GCGR: variants seen among roughly 807,000 people sequenced by gnomAD.
GCGR encodes the protein glucagon receptor.
Under a neutral mutation model 56.1 loss-of-function variants are expected in GCGR, and 41 were observed. That is an observed-to-expected ratio of 0.73 (90% confidence interval 0.57 to 0.95). GCGR has a LOEUF of 0.95. GCGR is among the 40% of genes least tolerant of loss of function. The pLI is 0.00. For missense variants in GCGR, 595 were observed against 638.2 expected (o/e 0.93, Z 0.73); for synonymous variants, 278 against 271.1 (o/e 1.03, Z -0.25).
In GCGR at chr17:81,813,353, G is replaced by T; in HGVS notation, c.1219-121G>T. Reference sequence around the variant, plus strand: ...CATAGCTGTGCCCAGCAGGGAGCTTGTGTCGCTCTGCACCCCTCAGAGCGG... The same window carrying T: ...CATAGCTGTGCCCAGCAGGGAGCTTTTGTCGCTCTGCACCCCTCAGAGCGG... On this transcript the variant is annotated intron_variant, in intron 13 of 13. Coordinates refer to ENST00000400723, the MANE Select transcript of GCGR (RefSeq NM_000160.5). The surrounding 1 kb of genome is among the most constrained non-coding windows in gnomAD (Gnocchi z 5.3). 1 of 996,022 alleles carries T rather than the reference G, an allele frequency of 1.0e-6. No homozygotes were observed. The highest frequency in any genetic ancestry group is 1.6e-5 in the South Asian group (1 of 63,232). 61.7% of individuals were successfully genotyped at this position (996,022 alleles called of 1,614,324 possible).
Position 81,812,589 on chromosome 17 carries a change from A to G in GCGR, c.961A>G (p.Ile321Val), listed in dbSNP as rs2038124823. 1 of 1,536,276 alleles carries G rather than the reference A, an allele frequency of 6.5e-7. No homozygotes were observed. The highest frequency in any genetic ancestry group is 1.4e-5 in the African/African-American group (1 of 72,978). The change falls in exon 11 of 14, where the codon ATC becomes GTC. Residue 321 changes from isoleucine (I) to valine (V), a missense_variant. Physicochemically the swap from Ile to Val is conservative, Grantham distance 29. Coordinates refer to ENST00000400723, the MANE Select transcript of GCGR (RefSeq NM_000160.5). This position sits in a 1 kb window ranked among gnomAD's most constrained non-coding sequence, Gnocchi z 8.5. ...CCTTCTCACACAGATCAACTTCTTC[A>G]TCTTCGTCCGCATCGTTCAGCTGCT... ...VFLAILINFF[I>V]FVRIVQLLVA...
rs1568251104 is a variant in GCGR at position 81,809,741 on chromosome 17, GT to G, written c.61-40del. The G allele has an allele frequency of 3.6e-6, 5 of 1,389,746 alleles. No homozygotes were observed. The South Asian group carries it at 3.8e-5, about 10-fold the overall frequency. 86.1% of individuals were successfully genotyped at this position (1,389,746 alleles called of 1,614,324 possible). A position where few individuals can be genotyped will look rare whatever the true frequency, so the allele number is the denominator to read the frequency against. On this transcript the variant is annotated intron_variant, in intron 2 of 13. Coordinates refer to ENST00000400723, the MANE Select transcript of GCGR (RefSeq NM_000160.5). The stretch of plus-strand genomic sequence containing the variant: ...TGTCTGCCTGTCTGTCTGCCTGCCT[GT>G]CTGTCTGTCTGTCTGGTTGCTTGTG...
chr17:81,804,430 C>T lies in GCGR; in HGVS notation c.-178+181C>T, dbSNP rs1191430612. 6.6e-6 allele frequency among the ~76,000 whole-genome samples: 1 copy of T among 151,832 alleles called. No homozygotes were observed. The highest frequency in any genetic ancestry group is 1.9e-4 in the East Asian group (1 of 5,174). The stretch of plus-strand genomic sequence containing the variant: ...CAGACACCCCCGTTCCCAACCCCGG[C>T]TCGGACACCACCCGGTCCTGCACCG... On this transcript the variant is annotated intron_variant, in intron 1 of 13. Coordinates refer to ENST00000400723, the MANE Select transcript of GCGR (RefSeq NM_000160.5). The surrounding 1 kb of genome is among the most constrained non-coding windows in gnomAD (Gnocchi z 8.2).
In GCGR at chr17:81,813,101, C is replaced by T. The variant is rs369117059; in HGVS notation, c.1218+44C>T. The T allele has an allele frequency of 1.3e-5, 20 of 1,534,626 alleles. No individual in the cohort carries two copies. The highest frequency in any genetic ancestry group is 2.0e-4 in the Middle Eastern group (1 of 4,894). On this transcript the variant is annotated intron_variant, in intron 13 of 13. Transcript: ENST00000400723. This position sits in a 1 kb window ranked among gnomAD's most constrained non-coding sequence, Gnocchi z 5.3. ...ATCTGAGACCATCAGCACTGGCCGT[C>T]GGGGTCAGGGGCAGAGAGAGGCACA...
chr17:81,809,382 C>G (rs1397712723), intron 2 of GCGR, among the ~76,000 whole-genome samples: 2 of 129,860 alleles, frequency 1.5e-5, no homozygotes, highest in African/African-American at 6.0e-5. Flanking sequence ...CTGTCTGCTG[C>G]CTGTCTGTCC....
chr17:81,807,684 C>G (rs1181046829), intron 1 of GCGR, among the ~76,000 whole-genome samples: 1 of 152,276 alleles, frequency 6.6e-6, no homozygotes, highest in African/African-American at 2.4e-5. Context: ...CAAAGAAGAG[C>G]CCGTAACAGC....
At position 81,812,051 on chromosome 17, in the gene GCGR, G is replaced by A. The variant is rs75441055; in HGVS notation, c.878+105G>A. ...CGGGGATGAGCCTGGTGCCTGGGGA[G>A]GGGGTCATTTGTGACCTTCTCCCTT... On this transcript the variant is annotated intron_variant, in intron 9 of 13. Transcript: ENST00000400723. The surrounding 1 kb of genome is among the most constrained non-coding windows in gnomAD (Gnocchi z 8.5). The A allele has an allele frequency of 1.3e-6, 2 of 1,511,688 alleles. No individual in the cohort carries two copies. The highest frequency in any genetic ancestry group is 1.4e-5 in the African/African-American group (1 of 72,564). 93.6% of individuals were successfully genotyped at this position (1,511,688 alleles called of 1,614,324 possible). A position where few individuals can be genotyped will look rare whatever the true frequency, so the allele number is the denominator to read the frequency against.
At position 81,810,016 on chromosome 17, in the gene GCGR, C is replaced by G. The variant is rs910451351; in HGVS notation, c.163+132C>G. ...CCAAGGGGCCCTGTCATTCCTCAGG[C>G]CCCCACCACCGTGGGCAGGTGAGGT... is the stretch of plus-strand genomic sequence containing the variant. On this transcript the variant is annotated intron_variant, in intron 3 of 13. Transcript: ENST00000400723. This position sits in a 1 kb window ranked among gnomAD's most constrained non-coding sequence, Gnocchi z 4.6. 2.3e-5 allele frequency: 17 copies of G among 736,306 alleles called. No homozygotes were observed. Among genetic ancestry groups the G allele is most frequent in the Non-Finnish European group, 3.6e-5 (15 of 418,010 alleles). 45.6% of individuals were successfully genotyped at this position (736,306 alleles called of 1,614,324 possible). A position where few individuals can be genotyped will look rare whatever the true frequency, so the allele number is the denominator to read the frequency against.
At position 81,811,526 on chromosome 17, in the gene GCGR, A is replaced by G. The variant is rs1419135924; in HGVS notation, c.623A>G (p.Asp208Gly). Residue 208 changes from aspartate to glycine, a missense_variant, in exon 7 of 14, where the codon GAC becomes GGC. Physicochemically the swap from Asp to Gly is moderately conservative, Grantham distance 94 (BLOSUM62 -1). Coordinates refer to ENST00000400723, the MANE Select transcript of GCGR (RefSeq NM_000160.5). This position sits in a 1 kb window ranked among gnomAD's most constrained non-coding sequence, Gnocchi z 5.8. Reference protein sequence around the residue: ...LRTRYSQKIGDDLSVSTWLSD... With the variant: ...LRTRYSQKIGGDLSVSTWLSD... The stretch of plus-strand genomic sequence containing the variant: ...ACCCGCTACAGCCAGAAAATTGGCG[A>G]CGACCTCAGTGTCAGCACCTGGCTC... 6.5e-7 allele frequency: 1 copy of G among 1,536,550 alleles called. No individual in the cohort carries two copies. The highest frequency in any genetic ancestry group is 2.0e-5 in the Admixed American group (1 of 50,998).
At position 81,811,469 on chromosome 17, in the gene GCGR, G is replaced by T. The variant is rs1296860048; in HGVS notation, c.566G>T (p.Ser189Ile). The change falls in exon 7 of 14, where the codon AGC becomes ATC. Residue 189 changes from serine to isoleucine, a missense_variant. Ser to Ile is a moderately radical substitution (Grantham distance 142). Transcript: ENST00000400723. This position sits in a 1 kb window ranked among gnomAD's most constrained non-coding sequence, Gnocchi z 5.8. ...TTTGCGTCCTTCGTGCTGAAAGCCA[G>T]CTCCGTGCTGGTCATTGATGGGCTG... ...NLFASFVLKA[S>I]SVLVIDGLLR... 1 of 1,536,670 alleles carries T rather than the reference G, an allele frequency of 6.5e-7. No homozygotes were observed. The highest frequency in any genetic ancestry group is 2.0e-5 in the Admixed American group (1 of 51,008).
chr17:81,812,498 G>C lies in GCGR; in HGVS notation c.949-79G>C. The C allele has an allele frequency of 7.4e-7, 1 of 1,353,882 alleles. No homozygotes were observed. The highest frequency in any genetic ancestry group is 1.0e-6 in the Non-Finnish European group (1 of 991,728). The allele number at this position is 1,353,882 out of a possible 1,614,324, so 83.9% of individuals were successfully genotyped here. ...TTGCTGCCAGGCCCACCTGCAGGAG[G>C]GTCAGGTGGGGCCTTCCAAGGGCAC... On this transcript the variant is annotated intron_variant, in intron 10 of 13. Coordinates refer to ENST00000400723, the MANE Select transcript of GCGR (RefSeq NM_000160.5). The surrounding 1 kb of genome is among the most constrained non-coding windows in gnomAD (Gnocchi z 8.5).
Position 81,807,192 on chromosome 17 carries a change from G to T in GCGR, c.-177-1650G>T, listed in dbSNP as rs554589917. Among the ~76,000 whole-genome samples, 15 of 152,282 alleles carry T rather than the reference G, an allele frequency of 9.9e-5. No individual in the cohort carries two copies. The East Asian group carries it at 2.5e-3, about 25-fold the overall frequency. ...CCCCCACCCGCCTGCCGCTGTCTCC[G>T]CCAGGGAGAGGCCCCTACTCTGTGG... On this transcript the variant is annotated intron_variant, in intron 1 of 13. Coordinates refer to ENST00000400723, the MANE Select transcript of GCGR (RefSeq NM_000160.5).
rs1171829126 is a variant in GCGR, at chr17:81,813,537, C to G, written c.1282C>G (p.Arg428Gly). 11 of 1,536,004 alleles carry G rather than the reference C, an allele frequency of 7.2e-6. No individual in the cohort carries two copies. The highest frequency in any genetic ancestry group is 8.7e-6 in the Non-Finnish European group (10 of 1,146,798). The change falls in exon 14 of 14, where the codon CGG becomes GGG. Residue 428 changes from arginine (R) to glycine (G), a missense_variant. Physicochemically the swap from Arg to Gly is moderately radical, Grantham distance 125. Coordinates refer to ENST00000400723, the MANE Select transcript of GCGR (RefSeq NM_000160.5). This position sits in a 1 kb window ranked among gnomAD's most constrained non-coding sequence, Gnocchi z 5.3. ...CCTGGGCAAAGTGCTATGGGAGGAG[C>G]GGAACACCAGCAACCACAGGGCCTC... ...WRLGKVLWEE[R>G]NTSNHRASSS...
rs2038124107 is a variant in GCGR, at chr17:81,812,564, C to T, written c.949-13C>T. On this transcript the variant is annotated splice_polypyrimidine_tract_variant and intron_variant, in intron 10 of 13. Transcript: ENST00000400723. The surrounding 1 kb of genome is among the most constrained non-coding windows in gnomAD (Gnocchi z 8.5). Reference sequence around the variant, plus strand: ...GGCTCGGGATGCCCCTGACTCGCACCCTTCTCACACAGATCAACTTCTTCA... The same window carrying T: ...GGCTCGGGATGCCCCTGACTCGCACTCTTCTCACACAGATCAACTTCTTCA... The T allele has an allele frequency of 6.5e-7, 1 of 1,534,712 alleles. No individual in the cohort carries two copies. The highest frequency in any genetic ancestry group is 1.4e-5 in the African/African-American group (1 of 72,988).
chr17:81,813,613 G>A lies in GCGR; in HGVS notation c.1358G>A (p.Gly453Asp). Reference sequence around the variant, plus strand: ...AGCAAGGAGCTGCAGTTTGGGAGGGGTGGTGGCAGCCAGGATTCATCTGCG... The same window carrying A: ...AGCAAGGAGCTGCAGTTTGGGAGGGATGGTGGCAGCCAGGATTCATCTGCG... ...PPSKELQFGR[G>D]GGSQDSSAET... The change falls in exon 14 of 14, where the codon GGT (glycine) becomes GAT (aspartate). Residue 453 changes from glycine to aspartate, a missense_variant. Transcript: ENST00000400723. The surrounding 1 kb of genome is among the most constrained non-coding windows in gnomAD (Gnocchi z 5.3). The A allele has an allele frequency of 6.5e-7, 1 of 1,536,540 alleles. No individual in the cohort carries two copies. Among genetic ancestry groups the A allele is most frequent in the Non-Finnish European group, 8.7e-7 (1 of 1,146,860 alleles).
intron 3 of GCGR, 111 bp downstream of exon 3, chr17:81,809,995 G>A (rs1249041305): frequency 1.2e-6 from 1 of 828,784 alleles, no homozygotes; most frequent in Non-Finnish European, 2.0e-6. Flanking sequence ...ACCCCGCCAA[G>A]GGGCCCTGTC....
At position 81,811,918 on chromosome 17, in the gene GCGR, G is replaced by A; in HGVS notation, c.850G>A (p.Val284Met). Residue 284 changes from valine to methionine, a missense_variant, in exon 9 of 14, where the codon GTG becomes ATG. By Grantham distance (21) the Val-to-Met change is conservative (BLOSUM62 1). Transcript: ENST00000400723. The surrounding 1 kb of genome is among the most constrained non-coding windows in gnomAD (Gnocchi z 5.8). ...APMLFVVPWAVVKCLFENVQC... is the reference protein window; with the variant it reads ...APMLFVVPWAMVKCLFENVQC... ...CATGCTGTTCGTCGTCCCCTGGGCAGTGGTCAAGTGTCTGTTCGAGAACGT... is the reference window on the plus strand; with the variant it reads ...CATGCTGTTCGTCGTCCCCTGGGCAATGGTCAAGTGTCTGTTCGAGAACGT... 1.3e-6 allele frequency: 2 copies of A among 1,537,146 alleles called. No homozygotes were observed. Among genetic ancestry groups the A allele is most frequent in the Non-Finnish European group, 1.7e-6 (2 of 1,146,894 alleles).
Position 81,806,154 on chromosome 17 carries a change from C to G in GCGR, c.-178+1905C>G, listed in dbSNP as rs559067946. ...ATGGGTGCTCAGCTGGAAATTGGTC[C>G]CCCCCCGGCTCCACCCACCCCTGTT... On this transcript the variant is annotated intron_variant, in intron 1 of 13. Coordinates refer to ENST00000400723, the MANE Select transcript of GCGR (RefSeq NM_000160.5). The surrounding 1 kb of genome is among the most constrained non-coding windows in gnomAD (Gnocchi z 6.5). 3.3e-5 allele frequency among the ~76,000 whole-genome samples: 5 copies of G among 151,870 alleles called. No individual in the cohort carries two copies. The highest frequency in any genetic ancestry group is 6.6e-5 in the Admixed American group (1 of 15,172).
chr17:81,809,992 C>G (rs987433506), intron 3 of GCGR, 108 bp downstream of exon 3: 10 of 836,394 alleles, frequency 1.2e-5, no homozygotes, highest in African/African-American at 3.3e-5. Context: ...AGGACCCCGC[C>G]AAGGGGCCCT....
Sources: allele counts gnomAD v4.1 joint callset (sites outside exome capture counted in the v4.1 genomes callset), GRCh38; gene constraint gnomAD v4.1.1; non-coding constraint Gnocchi (gnomAD v3.1); transcripts MANE v1.5; gene names NCBI Gene and HGNC (gene_info 2026-07-23, HGNC 2026-07-21).